Variants in SCAF8 observed in about 807,000 individuals in gnomAD.
SCAF8 encodes SR-related and CTD-associated factor 8.
Under a neutral mutation model 140.5 loss-of-function variants are expected in SCAF8, and 23 were observed. The ratio of observed to expected loss-of-function variants is 0.16; its 90% CI spans 0.12 to 0.23. SCAF8 has a LOEUF of 0.23. Among genes scored for constraint, SCAF8 ranks in the 10% least tolerant of loss-of-function variants. The probability of loss-of-function intolerance (pLI) is 1.00; values close to 1 mark genes in which losing one functional copy is unlikely to be tolerated. For missense variants in SCAF8, 1,397 were observed against 1,555.7 expected, an observed-to-expected ratio of 0.90 and a Z score of 1.72; for synonymous variants, 575 against 528.9, an observed-to-expected ratio of 1.09 and a Z score of -1.20.
At chr6:154,786,896 T>G (rs1174415801) in intron 3 of SCAF8, among the ~76,000 whole-genome samples, 2 of 152,260 alleles carry the variant, frequency 1.3e-5, no homozygotes, top group Non-Finnish European at 2.9e-5. Context: ...AAAGAACTTT[T>G]TTTGCCATTT....
At position 154,733,497 on chromosome 6, in the gene SCAF8, C is replaced by T. The variant is rs997937804; in HGVS notation, c.-404C>T. On this transcript the variant is annotated 5_prime_UTR_variant, in exon 1 of 20. Transcript: ENST00000367178. ...GGGCTGGTTCCTGCGGCCCGAGCGG[C>T]GGGGAGGTGAAACAGGAGCCCGTCG... is the stretch of plus-strand genomic sequence containing the variant. 17 of 1,316,850 alleles carry T rather than the reference C, an allele frequency of 1.3e-5. No individual in the cohort carries two copies. The highest frequency in any genetic ancestry group is 2.1e-5 in the South Asian group (1 of 48,638). 81.6% of individuals were successfully genotyped at this position (1,316,850 alleles called of 1,614,324 possible).
intron 9 of SCAF8, among the ~76,000 whole-genome samples, chr6:154,806,663 AACTTG>A (rs1400495094): frequency 6.6e-6 from 1 of 152,190 alleles, no homozygotes; most frequent in Non-Finnish European, 1.5e-5. Context: ...TTGGGGTCTG[AACTTG>A]ACTTTTTAAT....
Position 154,792,932 on chromosome 6 carries a change from C to A in SCAF8, c.431C>A (p.Thr144Lys). 1.9e-6 allele frequency: 3 copies of A among 1,613,922 alleles called. No homozygotes were observed. Among genetic ancestry groups the A allele is most frequent in the Non-Finnish European group, 2.5e-6 (3 of 1,179,890 alleles). ...MAAGIPPPVV[T>K]PVLASTTTAM... The stretch of plus-strand genomic sequence containing the variant: ...GCCGGGATTCCGCCTCCAGTTGTCA[C>A]ACCTGTTTTGGCCAGCACTACCACT... The change falls in exon 5 of 20, where the codon ACA becomes AAA. Residue 144 changes from threonine to lysine, a missense_variant. Physicochemically the swap from Thr to Lys is moderately conservative, Grantham distance 78. Transcript: ENST00000367178.
intron 1 of SCAF8, among the ~76,000 whole-genome samples, chr6:154,739,851 A>G (rs2114789326): frequency 6.6e-6 from 1 of 152,340 alleles, no homozygotes; most frequent in East Asian, 1.9e-4. Flanking sequence ...AACATCTAGT[A>G]GTAGACATGG....
At chr6:154,760,381 A>T (rs1779072058) in intron 1 of SCAF8, among the ~76,000 whole-genome samples, 1 of 152,080 alleles carries the variant, frequency 6.6e-6, no homozygotes, top group African/African-American at 2.4e-5. Flanking sequence ...CTTTACAAAG[A>T]TTAGATAGAT....
chr6:154,824,332 A>C lies in SCAF8; in HGVS notation c.2025A>C (p.Pro675=). The C allele has an allele frequency of 1.9e-6, 3 of 1,613,574 alleles. No individual in the cohort carries two copies. Among genetic ancestry groups the C allele is most frequent in the Non-Finnish European group, 2.5e-6 (3 of 1,179,778 alleles). Residue 675 remains proline, a synonymous_variant, in exon 17 of 20, where the codon CCA becomes CCC. Transcript: ENST00000367178. ...CTCCTGGATTCAGTCCAATCCCTCC[A>C]CCTCCTTTTTTAAGAGCAAGTTTTA... ...VPPPGFSPIP[P]PPFLRASFNP...
At chr6:154,736,158 GA>G (rs1778412182) in intron 1 of SCAF8, among the ~76,000 whole-genome samples, 1 of 151,410 alleles carries the variant, frequency 6.6e-6, no homozygotes, top group Admixed American at 6.6e-5. Flanking sequence ...GCCCTCATTG[GA>G]TTTAATTCCC....
At chr6:154,790,088 T>G (rs1237764209) in intron 4 of SCAF8, among the ~76,000 whole-genome samples, 1 of 152,236 alleles carries the variant, frequency 6.6e-6, no homozygotes, top group East Asian at 1.9e-4. Flanking sequence ...AATAGGGCTT[T>G]CTTTTAACCA....
chr6:154,777,963 T>C, intron 2 of SCAF8, 38 bp from the exon 3 acceptor site: 1 of 1,321,330 alleles, frequency 7.6e-7, no homozygotes, highest in Non-Finnish European at 1.1e-6. Context: ...CTCCTCAAAC[T>C]GATTTTAAAA....
intron 3 of SCAF8, among the ~76,000 whole-genome samples, chr6:154,783,990 C>T (rs1213719272): frequency 6.6e-6 from 1 of 151,870 alleles, no homozygotes; most frequent in East Asian, 1.9e-4. Flanking sequence ...TTGCTTGAAC[C>T]CACAAAGCAG....
chr6:154,825,364 T>G (rs1325319262), intron 17 of SCAF8: 1 of 152,038 alleles, frequency 6.6e-6, no homozygotes, highest in Non-Finnish European at 1.5e-5. Context: ...AAACACAACT[T>G]ACATATATAG....
At chr6:154,799,010 T>A (rs1483306691) in intron 6 of SCAF8, among the ~76,000 whole-genome samples, 3 of 150,808 alleles carry the variant, frequency 2.0e-5, no homozygotes, top group Middle Eastern at 3.4e-3. Flanking sequence ...TGACATGGAG[T>A]CTTAGCCTGT....
At position 154,784,138 on chromosome 6, in the gene SCAF8, TA is replaced by T. The variant is rs1562444130; in HGVS notation, c.160-3722del. Among the ~76,000 whole-genome samples, 11 of 86,462 alleles carry T rather than the reference TA, an allele frequency of 1.3e-4. 2 individuals carry two copies. The highest frequency in any genetic ancestry group is 8.0e-4 in the Admixed American group (7 of 8,730). 56.7% of individuals were successfully genotyped at this position (86,462 alleles called of 152,430 possible). A position where few individuals can be genotyped will look rare whatever the true frequency, so the allele number is the denominator to read the frequency against. On this transcript the variant is annotated intron_variant, in intron 3 of 19. Coordinates refer to ENST00000367178, the MANE Select transcript of SCAF8 (RefSeq NM_014892.5). ...GTCTTGAGATATATATATATATATA[TA>T]TATATATATATATATATATTTATTT...
At chr6:154,770,388 A>ACACACACTCTCTCTCT (rs1384942827) in intron 1 of SCAF8, among the ~76,000 whole-genome samples, 8 of 141,916 alleles carry the variant, frequency 5.6e-5, no homozygotes, top group African/African-American at 1.3e-4. Flanking sequence ...ACACACACAC[A>ACACACACTCTCTCTCT]CTCTCTCTCT....
intron 1 of SCAF8, among the ~76,000 whole-genome samples, chr6:154,769,357 A>T (rs1011876238): frequency 6.6e-6 from 1 of 152,194 alleles, no homozygotes; most frequent in African/African-American, 2.4e-5. Context: ...TACAATATGG[A>T]CTAGTGCTTG....
intron 5 of SCAF8, among the ~76,000 whole-genome samples, chr6:154,793,734 G>T (rs11961054): frequency 0.073 from 10,432 of 142,758 alleles, 427 homozygotes; most frequent in African/African-American, 0.1. Context: ...AGAATCGCTT[G>T]AACCCAGGAG....
chr6:154,811,480 A>G (rs1583057372), intron 12 of SCAF8, among the ~76,000 whole-genome samples: 1 of 151,634 alleles, frequency 6.6e-6, no homozygotes, highest in African/African-American at 2.4e-5. Flanking sequence ...GGTTTGTTAC[A>G]TAGGTACACA....
Position 154,833,275 on chromosome 6 carries a change from T to G in SCAF8, c.3696T>G (p.Asn1232Lys). The change falls in exon 20 of 20, where the codon AAT (asparagine) becomes AAG (lysine). Residue 1232 changes from asparagine (N) to lysine (K), a missense_variant. Asn to Lys is a moderately conservative substitution (Grantham distance 94, BLOSUM62 0). Transcript: ENST00000367178. ...HAQPPPIPVQ[N>K]DPELYEKLTS... ...AGCCACCACCTATACCAGTACAGAA[T>G]GATCCTGAACTTTATGAAAAACTGA... is the stretch of plus-strand genomic sequence containing the variant. 3 of 1,614,032 alleles carry G rather than the reference T, an allele frequency of 1.9e-6. No individual in the cohort carries two copies. The highest frequency in any genetic ancestry group is 2.5e-6 in the Non-Finnish European group (3 of 1,179,998).
At chr6:154,748,775 A>C (rs1778768726) in intron 1 of SCAF8, among the ~76,000 whole-genome samples, 1 of 152,238 alleles carries the variant, frequency 6.6e-6, no homozygotes, top group Admixed American at 6.5e-5. Context: ...GCTGAAGAGT[A>C]GTAAAATCCT....
Sources: gnomAD v4.1 joint callset for allele counts (sites outside exome capture counted in the v4.1 genomes callset) on GRCh38, gnomAD v4.1.1 for gene constraint, MANE v1.5 for transcripts, NCBI Gene and HGNC (gene_info 2026-07-23, HGNC 2026-07-21) for gene names.